NLRP7: variants seen among roughly 807,000 people sequenced by gnomAD.
NLRP7 encodes NACHT, LRR and PYD domains-containing protein 7.
Under a neutral mutation model 85.5 loss-of-function variants are expected in NLRP7, and 72 were observed. That is an observed-to-expected ratio of 0.84 (90% CI 0.70 to 1.02). NLRP7 has a LOEUF of 1.02. Among genes scored for constraint, NLRP7 ranks in the 50% least tolerant of loss-of-function variants. NLRP7 has a pLI of 0.00. For synonymous variants in NLRP7, 550 were observed against 505.2 expected, an observed-to-expected ratio of 1.09 and a Z score of -1.19; for missense variants, 1,243 against 1,219.5, an observed-to-expected ratio of 1.02 and a Z score of -0.29.
chr19:54,941,712 A>C (rs746705867), exon 2 of NLRP7: 2 of 1,611,942 alleles, frequency 1.2e-6, no homozygotes, highest in South Asian at 2.2e-5. Context: ...GCGATGTCAT[A>C]GTGCTCCGAG....
intron 5 of NLRP7, 82 bp downstream of exon 5, chr19:54,937,962 A>G: frequency 9.7e-7 from 1 of 1,033,286 alleles, no homozygotes; most frequent in Admixed American, 1.7e-5. Context: ...ATGAAACAGC[A>G]CATTTCCAAA....
At chr19:54,963,698 C>T (rs1488856739) in intron 1 of NLRP7, among the ~76,000 whole-genome samples, 1 of 151,462 alleles carries the variant, frequency 6.6e-6, no homozygotes, top group Admixed American at 6.6e-5. Context: ...GTGGCACGCG[C>T]CTGTAATCCC....
At chr19:54,939,060 C>T (rs1206649230) in exon 4 of NLRP7, 1 of 1,614,238 alleles carries the variant, frequency 6.2e-7, no homozygotes, top group Admixed American at 1.7e-5. Flanking sequence ...GGGGCCACCA[C>T]CACCTTCGCC....
At chr19:54,927,648 A>G (rs2068502626) in intron 9 of NLRP7, 1 of 1,614,156 alleles carries the variant, frequency 6.2e-7, no homozygotes, top group East Asian at 2.2e-5. Context: ...AGAACCCCAA[A>G]GAGCTTAATT....
intron 1 of NLRP7, among the ~76,000 whole-genome samples, chr19:54,945,582 T>TC (rs1367700670): frequency 4.6e-5 from 7 of 151,198 alleles, no homozygotes; most frequent in Non-Finnish European, 8.8e-5. Context: ...GTATTTTTTT[T>TC]CCCAAGTACA....
chr19:54,939,917 G>A (rs1460842902), exon 4 of NLRP7: 1 of 1,614,122 alleles, frequency 6.2e-7, no homozygotes, highest in East Asian at 2.2e-5. Flanking sequence ...CCTGGGCCGC[G>A]TGGTGACCAG....
chr19:54,930,659 G>C, exon 9 of NLRP7: 1 of 1,613,102 alleles, frequency 6.2e-7, no homozygotes, highest in Middle Eastern at 1.7e-4. Flanking sequence ...ATGCTGCATT[G>C]CTGTAACCTA....
chr19:54,924,901 T>C (rs539569368), intron 9 of NLRP7, among the ~76,000 whole-genome samples: 1 of 152,296 alleles, frequency 6.6e-6, no homozygotes, highest in East Asian at 1.9e-4. Flanking sequence ...CGCACCACTG[T>C]ACTGCAGCCC....
chr19:54,927,909 C>T (rs930523847), intron 9 of NLRP7, 134 bp from the exon 10 acceptor site: 29 of 771,190 alleles, frequency 3.8e-5, no homozygotes, highest in South Asian at 5.6e-5. Context: ...CTTGCCAACA[C>T]GGTCAAACCC....
At position 54,923,885 on chromosome 19, in the gene NLRP7, G is replaced by C; in HGVS notation, c.2811-13C>G. ...ATAGGTCTTCAACCTGGAGGGATCA[G>C]AGAACACAAATGTTCCCAGAAATTC... On this transcript the variant is annotated splice_polypyrimidine_tract_variant and intron_variant, in intron 9 of 9. Coordinates refer to ENST00000340844, the Ensembl canonical transcript of NLRP7. The C allele has an allele frequency of 6.2e-7, 1 of 1,611,046 alleles. No individual in the cohort carries two copies. The highest frequency in any genetic ancestry group is 8.5e-7 in the Non-Finnish European group (1 of 1,179,242).
In NLRP7 at chr19:54,941,010, A is replaced by G; in HGVS notation, c.278-5T>C. On this transcript the variant is annotated splice_polypyrimidine_tract_variant and splice_region_variant and intron_variant, in intron 2 of 9. Transcript: ENST00000340844. ...TTTCTTGCACCTGTCCGTCCTCTGT[A>G]AAATACTTAGATGTAAGCCTGACAC... 2 of 1,593,466 alleles carry G rather than the reference A, an allele frequency of 1.3e-6. No homozygotes were observed. The highest frequency in any genetic ancestry group is 1.7e-6 in the Non-Finnish European group (2 of 1,161,330).
chr19:54,926,466 G>A (rs1426938966), intron 9 of NLRP7, among the ~76,000 whole-genome samples: 1 of 152,130 alleles, frequency 6.6e-6, no homozygotes, highest in Non-Finnish European at 1.5e-5. Context: ...TTCTCTGCAT[G>A]GGAAATTCAC....
chr19:54,954,556 C>T (rs2069790572), intron 1 of NLRP7, among the ~76,000 whole-genome samples: 1 of 135,116 alleles, frequency 7.4e-6, no homozygotes. Context: ...AAAAAAAGGG[C>T]AACCGAGGCC....
intron 5 of NLRP7, among the ~76,000 whole-genome samples, chr19:54,937,226 A>C (rs2068971589): frequency 6.6e-6 from 1 of 151,946 alleles, no homozygotes; most frequent in Non-Finnish European, 1.5e-5. Context: ...AAAAAAAAAA[A>C]AAAAAGTCAA....
upstream of NLRP7, among the ~76,000 whole-genome samples, chr19:54,950,562 T>C (rs2069635106): frequency 2.0e-5 from 3 of 152,170 alleles, no homozygotes; most frequent in South Asian, 4.1e-4. Context: ...CTCTGCATCA[T>C]AGACAAGGTA....
intron 1 of NLRP7, among the ~76,000 whole-genome samples, chr19:54,942,749 A>C (rs1481611218): frequency 6.6e-6 from 1 of 152,170 alleles, no homozygotes; most frequent in Non-Finnish European, 1.5e-5. Context: ...CAAACACTAC[A>C]AACCAAGACT....
upstream of NLRP7, among the ~76,000 whole-genome samples, chr19:54,951,366 G>A (rs7258297): frequency 7.2e-3 from 1,090 of 152,112 alleles, 12 homozygotes; most frequent in African/African-American, 0.024. Flanking sequence ...AGCCAGCATG[G>A]TGAAACTGCG....
chr19:54,936,316 T>A, exon 6 of NLRP7: 3 of 1,614,026 alleles, frequency 1.9e-6, no homozygotes, highest in Non-Finnish European at 1.7e-6. Flanking sequence ...AGCATCAGCA[T>A]CATCGTGCGT....
chr19:54,957,522 T>C (rs2069898777), intron 1 of NLRP7, among the ~76,000 whole-genome samples: 1 of 151,790 alleles, frequency 6.6e-6, no homozygotes, highest in Non-Finnish European at 1.5e-5. Context: ...TTTTTGTATT[T>C]TTAGCAGAGA....
Sources: allele counts gnomAD v4.1 joint callset (sites outside exome capture counted in the v4.1 genomes callset), GRCh38; gene constraint gnomAD v4.1.1; transcripts MANE v1.5; gene names NCBI Gene and HGNC (gene_info 2026-07-23, HGNC 2026-07-21).